The following SKP2 variants were observed in gnomAD, a reference collection of about 807,000 sequenced individuals.
SKP2 encodes the protein S-phase kinase-associated protein 2.
In SKP2, 16 loss-of-function variants were observed where a neutral mutation model predicts 51.8. That is an observed-to-expected ratio of 0.31 (90% CI 0.21 to 0.47). SKP2 has a LOEUF of 0.47. Among genes scored for constraint, SKP2 ranks in the 20% least tolerant of loss-of-function variants. The pLI is 1.00. For missense variants in SKP2, 377 were observed against 505.3 expected (o/e 0.75, Z 2.43); for synonymous variants, 176 against 198.6 (o/e 0.89, Z 0.96).
At position 36,183,990 on chromosome 5, in the gene SKP2, T is replaced by C; in HGVS notation, c.*1959T>C. ...TTTTTGTATGTGATTTCTACTTTTA[T>C]AGACTTGTTTTAAAACAATAAAACA... is the stretch of plus-strand genomic sequence containing the variant. On this transcript the variant is annotated 3_prime_UTR_variant, in exon 10 of 10. Transcript: ENST00000274255. The C allele has an allele frequency of 2.5e-6, 4 of 1,586,750 alleles. No individual in the cohort carries two copies. The highest frequency in any genetic ancestry group is 3.4e-6 in the Non-Finnish European group (4 of 1,160,220).
chr5:36,160,661 C>T (rs35338830), intron 2 of SKP2, among the ~76,000 whole-genome samples: 4,617 of 152,266 alleles, frequency 0.03, 117 homozygotes, highest in Non-Finnish European at 0.046. Flanking sequence ...TAAGAGGCAG[C>T]AGAGGTCTGA....
intron 6 of SKP2, among the ~76,000 whole-genome samples, chr5:36,171,109 G>A (rs1579566165): frequency 1.3e-5 from 2 of 152,208 alleles, no homozygotes; most frequent in South Asian, 4.1e-4. Flanking sequence ...CAGAAGTGGG[G>A]AGTGGGGATT....
chr5:36,166,429 C>A, intron 3 of SKP2, 90 bp from the exon 4 acceptor site: 3 of 1,053,056 alleles, frequency 2.8e-6, no homozygotes, highest in Non-Finnish European at 2.8e-6. Context: ...GGAGATTTAG[C>A]AGCAGTGTCC....
In SKP2 at chr5:36,152,283, CA is replaced by C; in HGVS notation, c.8+18del. On this transcript the variant is annotated intron_variant, in intron 1 of 9. Transcript: ENST00000274255. ...ACGCTATGCACAGGTAAACGGATTG[CA>C]AAAAGGGGAAGAGCATGAAATGGAC... 6.2e-7 allele frequency: 1 copy of C among 1,611,844 alleles called. No individual in the cohort carries two copies. Among genetic ancestry groups the C allele is most frequent in the Non-Finnish European group, 8.5e-7 (1 of 1,178,294 alleles).
chr5:36,166,730 T>TC, intron 4 of SKP2, 68 bp downstream of exon 4: 4 of 1,399,928 alleles, frequency 2.9e-6, no homozygotes, highest in Non-Finnish European at 3.0e-6. Flanking sequence ...CAAAGCTTTT[T>TC]TTTTTTTTTT....
chr5:36,186,879 T>G (rs1745960657), downstream of SKP2, among the ~76,000 whole-genome samples: 1 of 152,168 alleles, frequency 6.6e-6, no homozygotes, highest in South Asian at 2.1e-4. Flanking sequence ...GTCCTCGACT[T>G]TTTTTGGTTG....
In SKP2 at chr5:36,177,883, G is replaced by A. The variant is rs564467238; in HGVS notation, c.1061+591G>A. Among the ~76,000 whole-genome samples the A allele has an allele frequency of 2.6e-5, 4 of 152,160 alleles. No homozygotes were observed. In the South Asian group the frequency reaches 8.3e-4, roughly 32 times the overall value. On this transcript the variant is annotated intron_variant, in intron 9 of 9. Coordinates refer to ENST00000274255, the MANE Select transcript of SKP2 (RefSeq NM_005983.4). ...TGATGGTGAGTTGGTGGCTGACCTG[G>A]ATCTAAATCCTAGGTCTCCTGGACA... is the stretch of plus-strand genomic sequence containing the variant.
At chr5:36,181,525 A>G (rs7731023) in intron 9 of SKP2, among the ~76,000 whole-genome samples, 65,057 of 152,136 alleles carry the variant, frequency 0.43, 17,026 homozygotes, top group Non-Finnish European at 0.58. Flanking sequence ...ATAAATCACA[A>G]CTGGAGAAAG....
intron 7 of SKP2, among the ~76,000 whole-genome samples, chr5:36,176,628 A>C (rs1255677267): frequency 6.6e-6 from 1 of 151,782 alleles, no homozygotes; most frequent in Non-Finnish European, 1.5e-5. Flanking sequence ...TACCTTTGTA[A>C]TATATTGTTT....
chr5:36,189,489 A>G (rs1745985955), intron 6 of SKP2, among the ~76,000 whole-genome samples: 1 of 152,230 alleles, frequency 6.6e-6, no homozygotes, highest in African/African-American at 2.4e-5. Flanking sequence ...GGTCCACTCC[A>G]GACGCTGTTT....
rs1450446404 is a variant in SKP2, at chr5:36,182,341, A to T, written c.*310A>T. The stretch of plus-strand genomic sequence containing the variant: ...GCCACCTCTTCCAAGTGCCCTTCTT[A>T]CTAAGTCTATTCAGAATCAAGCTTA... On this transcript the variant is annotated 3_prime_UTR_variant, in exon 10 of 10. Transcript: ENST00000274255. The T allele has an allele frequency of 1.8e-6, 2 of 1,109,676 alleles. No individual in the cohort carries two copies. Among genetic ancestry groups the T allele is most frequent in the Non-Finnish European group, 2.2e-6 (2 of 908,226 alleles). 68.7% of individuals were successfully genotyped at this position (1,109,676 alleles called of 1,614,324 possible).
At chr5:36,164,839 TTGTTA>T (rs1745236211) in intron 3 of SKP2, among the ~76,000 whole-genome samples, 1 of 152,264 alleles carries the variant, frequency 6.6e-6, no homozygotes, top group African/African-American at 2.4e-5. Context: ...GCATGATATT[TTGTTA>T]TAAGTATGTG....
At chr5:36,170,533 C>T in intron 6 of SKP2, 91 bp downstream of exon 6, 1 of 726,968 alleles carries the variant, frequency 1.4e-6, no homozygotes, top group Non-Finnish European at 2.3e-6. Context: ...ACTTTTTGAG[C>T]TTTTTGTACT....
At chr5:36,167,460 C>G (rs1457734804) in intron 4 of SKP2, among the ~76,000 whole-genome samples, 1 of 152,176 alleles carries the variant, frequency 6.6e-6, no homozygotes, top group Non-Finnish European at 1.5e-5. Flanking sequence ...CAAGCTGTGT[C>G]CTCTACACCC....
At chr5:36,163,952 C>T (rs1365006389) in intron 3 of SKP2, among the ~76,000 whole-genome samples, 196 bp downstream of exon 3, 1 of 152,096 alleles carries the variant, frequency 6.6e-6, no homozygotes, top group East Asian at 1.9e-4. Flanking sequence ...ATAAACTTAC[C>T]AATGTCTGGA....
intron 2 of SKP2, among the ~76,000 whole-genome samples, chr5:36,159,497 C>T (rs1170918921): frequency 6.6e-6 from 1 of 152,142 alleles, no homozygotes; most frequent in East Asian, 1.9e-4. Context: ...CCTTACATGC[C>T]AAAGCTTTTG....
intron 7 of SKP2, among the ~76,000 whole-genome samples, chr5:36,174,980 T>C (rs970658178): frequency 4.6e-5 from 7 of 152,144 alleles, no homozygotes; most frequent in African/African-American, 1.7e-4. Context: ...ACATGGGATA[T>C]GGGAAGCCAT....
At chr5:36,156,224 C>A (rs1744941232) in intron 2 of SKP2, among the ~76,000 whole-genome samples, 1 of 152,126 alleles carries the variant, frequency 6.6e-6, no homozygotes, top group Admixed American at 6.5e-5. Context: ...TGAGGGACAG[C>A]TGGTATAGAG....
downstream of SKP2, among the ~76,000 whole-genome samples, chr5:36,188,442 C>T (rs949667903): frequency 1.3e-5 from 2 of 152,234 alleles, no homozygotes; most frequent in Non-Finnish European, 2.9e-5. Flanking sequence ...GAAAATCTCT[C>T]AGCATTTGCT....
Sources: gnomAD v4.1 joint callset for allele counts (sites outside exome capture counted in the v4.1 genomes callset) on GRCh38, gnomAD v4.1.1 for gene constraint, MANE v1.5 for transcripts, NCBI Gene and HGNC (gene_info 2026-07-23, HGNC 2026-07-21) for gene names.